ZNF804B: variants seen among roughly 807,000 people sequenced by gnomAD.
The protein encoded by ZNF804B is zinc finger 804B.
ZNF804B carries 80 observed loss-of-function variants against 101.4 expected under a neutral mutation model. The observed-to-expected ratio is 0.79, with a 90% confidence interval of 0.66 to 0.95. The LOEUF is 0.95. Among genes scored for constraint, ZNF804B ranks in the 40% least tolerant of loss-of-function variants. ZNF804B has a pLI of 0.00. For missense variants in ZNF804B, 1,673 were observed against 1,561.9 expected, an observed-to-expected ratio of 1.07 and a Z score of -1.20; for synonymous variants, 622 against 558.8, an observed-to-expected ratio of 1.11 and a Z score of -1.59.
intron 1 of ZNF804B, among the ~76,000 whole-genome samples, chr7:88,771,897 T>A (rs1458217404): frequency 6.6e-6 from 1 of 152,110 alleles, no homozygotes. Context: ...AATAAATGAT[T>A]AAAGGAAAGA....
chr7:88,773,778 A>C (rs538662542), intron 1 of ZNF804B, among the ~76,000 whole-genome samples: 1 of 152,058 alleles, frequency 6.6e-6, no homozygotes, highest in East Asian at 1.9e-4. Flanking sequence ...CCTGCATGTC[A>C]TATGGCCAGA....
chr7:89,098,580 C>CT (rs1219457357), intron 1 of ZNF804B, among the ~76,000 whole-genome samples: 1 of 151,908 alleles, frequency 6.6e-6, no homozygotes, highest in Non-Finnish European at 1.5e-5. Flanking sequence ...CCCATAACAA[C>CT]TTTTTTTAAT....
chr7:88,760,158 G>A lies in ZNF804B; in HGVS notation c.108+74G>A. 2.4e-6 allele frequency: 3 copies of A among 1,241,884 alleles called. No individual in the cohort carries two copies. In the South Asian group the frequency reaches 3.7e-5, roughly 15 times the overall value. The allele number at this position is 1,241,884 out of a possible 1,614,324, so 76.9% of individuals were successfully genotyped here. ...ACAAACAAAAAGATATTGAGAGATA[G>A]TATCCTGATACAATGAGTAGGTGGT... On this transcript the variant is annotated intron_variant, in intron 1 of 3. Coordinates refer to ENST00000333190, the MANE Select transcript of ZNF804B (RefSeq NM_181646.5).
At chr7:89,244,798 C>G (rs1789419218) in intron 2 of ZNF804B, among the ~76,000 whole-genome samples, 1 of 152,066 alleles carries the variant, frequency 6.6e-6, no homozygotes, top group Non-Finnish European at 1.5e-5. Context: ...TACAAAGAAC[C>G]TTGTCCATCA....
chr7:89,079,321 A>G (rs1409559784), intron 1 of ZNF804B, among the ~76,000 whole-genome samples: 4 of 151,930 alleles, frequency 2.6e-5, no homozygotes, highest in African/African-American at 9.7e-5. Context: ...TTATTTTGAC[A>G]TTTCCTTTGC....
At position 89,071,793 on chromosome 7, in the gene ZNF804B, C is replaced by CACACACACACACACAT. The variant is rs1277924400; in HGVS notation, c.109-146351_109-146350insCACATACACACACACA. 1.1e-3 allele frequency among the ~76,000 whole-genome samples: 169 copies of CACACACACACACACAT among 152,014 alleles called. 1 individual carries two copies. Among genetic ancestry groups the CACACACACACACACAT allele is most frequent in the African/African-American group, 3.8e-3 (158 of 41,436 alleles). On this transcript the variant is annotated intron_variant, in intron 1 of 3. Coordinates refer to ENST00000333190, the MANE Select transcript of ZNF804B (RefSeq NM_181646.5). ...GCACACACAAATGTACACACACACA[C>CACACACACACACACAT]ACACACACACATTTAATTTGTCTTC...
intron 1 of ZNF804B, among the ~76,000 whole-genome samples, chr7:88,802,393 T>G (rs981845607): frequency 2.2e-4 from 33 of 152,114 alleles, no homozygotes; most frequent in African/African-American, 7.2e-4. Flanking sequence ...CATTCATTTT[T>G]GTTTTTGTTA....
At chr7:89,157,806 T>C (rs1790999340) in intron 1 of ZNF804B, among the ~76,000 whole-genome samples, 1 of 152,154 alleles carries the variant, frequency 6.6e-6, no homozygotes, top group Non-Finnish European at 1.5e-5. Context: ...TGACCTGTAC[T>C]AGAATTCTCT....
intron 3 of ZNF804B, among the ~76,000 whole-genome samples, chr7:89,328,749 G>T (rs569460045): frequency 1.1e-4 from 17 of 151,970 alleles, no homozygotes; most frequent in African/African-American, 4.1e-4. Flanking sequence ...AATGGTACAA[G>T]TTCTAACATA....
At chr7:88,890,815 A>C (rs1792204047) in intron 1 of ZNF804B, among the ~76,000 whole-genome samples, 1 of 152,118 alleles carries the variant, frequency 6.6e-6, no homozygotes, top group African/African-American at 2.4e-5. Context: ...ATAACATTTG[A>C]GTTGATTCCA....
intron 1 of ZNF804B, among the ~76,000 whole-genome samples, chr7:88,892,749 C>G (rs1172778212): frequency 6.6e-6 from 1 of 152,094 alleles, no homozygotes; most frequent in Non-Finnish European, 1.5e-5. Context: ...AACTTTGTAC[C>G]TTTCATCTCC....
chr7:88,967,716 CAAAA>C (rs3034332), intron 1 of ZNF804B, among the ~76,000 whole-genome samples: 55,656 of 125,432 alleles, frequency 0.44, 10,884 homozygotes, highest in East Asian at 0.63. Flanking sequence ...ATTGAAAAAG[CAAAA>C]AAAAAAAAAA....
chr7:88,814,728 G>T (rs1790849713), intron 1 of ZNF804B, among the ~76,000 whole-genome samples: 3 of 152,188 alleles, frequency 2.0e-5, no homozygotes, highest in Admixed American at 2.0e-4. Flanking sequence ...TAAAGTTGTT[G>T]TGTAGAGCAA....
intron 1 of ZNF804B, among the ~76,000 whole-genome samples, chr7:89,083,921 CTG>C (rs1434864871): frequency 6.6e-6 from 1 of 151,892 alleles, no homozygotes; most frequent in African/African-American, 2.4e-5. Flanking sequence ...CAATATAACA[CTG>C]TGATTTTAGC....
intron 1 of ZNF804B, among the ~76,000 whole-genome samples, chr7:88,924,901 GAATA>G (rs1012079828): frequency 6.6e-5 from 10 of 152,056 alleles, no homozygotes; most frequent in Admixed American, 3.9e-4. Flanking sequence ...TAGATTTGAT[GAATA>G]AATAATTTGT....
At chr7:88,883,978 C>T (rs191797863) in intron 1 of ZNF804B, among the ~76,000 whole-genome samples, 31 of 152,044 alleles carry the variant, frequency 2.0e-4, no homozygotes, top group Non-Finnish European at 3.8e-4. Flanking sequence ...TTATAGATTA[C>T]AGAAAAAGAA....
At chr7:89,078,449 A>C (rs1355557198) in intron 1 of ZNF804B, among the ~76,000 whole-genome samples, 1 of 141,386 alleles carries the variant, frequency 7.1e-6, no homozygotes, top group Non-Finnish European at 1.6e-5. Flanking sequence ...TATATTGCTG[A>C]GAAAATAAAA....
At chr7:88,868,215 C>T (rs1162273981) in intron 1 of ZNF804B, among the ~76,000 whole-genome samples, 2 of 152,110 alleles carry the variant, frequency 1.3e-5, no homozygotes, top group African/African-American at 4.8e-5. Context: ...GATAGCCTGA[C>T]TGTACCTACT....
At chr7:88,829,179 T>C (rs1245121174) in intron 1 of ZNF804B, among the ~76,000 whole-genome samples, 1 of 152,074 alleles carries the variant, frequency 6.6e-6, no homozygotes. Context: ...TGAACTCCTG[T>C]GCTCAAACTC....
Sources: gnomAD v4.1 joint callset for allele counts (sites outside exome capture counted in the v4.1 genomes callset) on GRCh38, gnomAD v4.1.1 for gene constraint, MANE v1.5 for transcripts, NCBI Gene and HGNC (gene_info 2026-07-23, HGNC 2026-07-21) for gene names.